The following GRIP2 variants were observed in gnomAD, a reference collection of about 807,000 sequenced individuals.
The protein encoded by GRIP2 is glutamate receptor-interacting protein 2.
Under a neutral mutation model 108.3 loss-of-function variants are expected in GRIP2, and 58 were observed. The observed-to-expected ratio is 0.54, with a 90% CI of 0.43 to 0.67. The LOEUF (loss-of-function observed/expected upper bound fraction) is 0.67, where lower values mean the gene tolerates loss of function less well. Among genes scored for constraint, GRIP2 ranks in the 30% least tolerant of loss-of-function variants. The probability of loss-of-function intolerance (pLI) is 0.00; values close to 1 mark genes in which losing one functional copy is unlikely to be tolerated. For missense variants in GRIP2, 1,278 were observed against 1,430.6 expected (o/e 0.89, Z 1.72); for synonymous variants, 586 against 598.2 (o/e 0.98, Z 0.30).
At position 14,506,885 on chromosome 3, in the gene GRIP2, G is replaced by C; in HGVS notation, c.2314C>G (p.Arg772Gly). 1 of 1,606,706 alleles carries C rather than the reference G, an allele frequency of 6.2e-7. No homozygotes were observed. The highest frequency in any genetic ancestry group is 8.5e-7 in the Non-Finnish European group (1 of 1,176,712). The stretch of plus-strand genomic sequence containing the variant: ...ACACTGGGCACAGCCGGCGAGAAGC[G>C]GGCTGCTGGCAGGCCTCCTTTCAGG... ...DALKGGLPAA[R>G]FSPAVPSVDS... is the part of the protein sequence containing the mutation. Residue 772 changes from arginine to glycine, a missense_variant, in exon 19 of 24, where the codon CGC (arginine) becomes GGC (glycine). Coordinates refer to ENST00000621039, the MANE Select transcript of GRIP2 (RefSeq NM_001080423.4).
At chr3:14,538,469 T>C (rs1217434184) in intron 1 of GRIP2, among the ~76,000 whole-genome samples, 1 of 152,162 alleles carries the variant, frequency 6.6e-6, no homozygotes, top group East Asian at 1.9e-4. Context: ...AGAGTCTGCC[T>C]GGAAATGAAG....
chr3:14,505,906 C>CGAG lies in GRIP2; in HGVS notation c.2399-118_2399-117insCTC. On this transcript the variant is annotated intron_variant, in intron 19 of 23. Transcript: ENST00000621039. This position sits in a 1 kb window ranked among gnomAD's most constrained non-coding sequence, Gnocchi z 4.2. ...AGGTCGTTGCTCCTCTCTGGGCCTG[C>CGAG]ATCTACACAGCCCTCTGAGGGCCTC... 3.4e-6 allele frequency: 3 copies of CGAG among 880,952 alleles called. No individual in the cohort carries two copies. The highest frequency in any genetic ancestry group is 4.9e-6 in the Non-Finnish European group (3 of 614,578). The allele number at this position is 880,952 out of a possible 1,614,324, so 54.6% of individuals were successfully genotyped here.
chr3:14,546,722 G>A (rs1161992011), upstream of GRIP2, among the ~76,000 whole-genome samples: 2 of 152,194 alleles, frequency 1.3e-5, no homozygotes, highest in Admixed American at 1.3e-4. Flanking sequence ...CCAACTAACT[G>A]TCACCAGAGA....
At chr3:14,537,736 CGGA>C (rs1385308731) in intron 1 of GRIP2, among the ~76,000 whole-genome samples, 3 of 152,292 alleles carry the variant, frequency 2.0e-5, no homozygotes, top group Non-Finnish European at 4.4e-5. Flanking sequence ...GAGGGCCCCT[CGGA>C]GGAGTGGGTA....
At chr3:14,523,159 C>T (rs961754249) in intron 5 of GRIP2, 84 bp from the exon 6 acceptor site, 4 of 1,022,974 alleles carry the variant, frequency 3.9e-6, no homozygotes, top group Non-Finnish European at 4.4e-6. Context: ...GAGCAGGCTC[C>T]TTCAATAAAA....
intron 1 of GRIP2, among the ~76,000 whole-genome samples, chr3:14,536,063 C>A (rs560167775): frequency 1.3e-5 from 2 of 152,288 alleles, no homozygotes; most frequent in African/African-American, 4.8e-5. Context: ...ATAAGCTCGG[C>A]AGAAGCACGT....
In GRIP2 at chr3:14,505,675, G is replaced by A; in HGVS notation, c.2513C>T (p.Thr838Ile). The A allele has an allele frequency of 6.2e-7, 1 of 1,607,418 alleles. No individual in the cohort carries two copies. Among genetic ancestry groups the A allele is most frequent in the Admixed American group, 1.7e-5 (1 of 59,114 alleles). The change falls in exon 20 of 24, where the codon ACC becomes ATC. Residue 838 changes from threonine to isoleucine, a missense_variant. Transcript: ENST00000621039. The surrounding 1 kb of genome is among the most constrained non-coding windows in gnomAD (Gnocchi z 4.2). ...TEPRRTSYTP[T>I]PADESFPEEE... ...CTCTGGAAAGCTCTCGTCAGCTGGG[G>A]TTGGGGTATAGCTCGTCCTCCGGGG...
chr3:14,599,685 C>CTCTGTG, the GRIP2 span, among the ~76,000 whole-genome samples: 31 of 127,566 alleles, frequency 2.4e-4, no homozygotes, highest in African/African-American at 7.8e-4. Flanking sequence ...CTCTCTCTCT[C>CTCTGTG]TGTGTGTGTG....
In GRIP2 at chr3:14,512,453, G is replaced by C. The variant is rs942999120; in HGVS notation, c.1720+324C>G. Among the ~76,000 whole-genome samples the C allele has an allele frequency of 2.0e-5, 3 of 152,128 alleles. No homozygotes were observed. Among genetic ancestry groups the C allele is most frequent in the African/African-American group, 7.2e-5 (3 of 41,392 alleles). On this transcript the variant is annotated intron_variant, in intron 14 of 23. Transcript: ENST00000621039. The surrounding 1 kb of genome is among the most constrained non-coding windows in gnomAD (Gnocchi z 5.1). ...TTTGCTGGGCTCTGAGAACACAGAA[G>C]CAGGCAGAAAACCAAACCCAGCCTA...
upstream of GRIP2, among the ~76,000 whole-genome samples, chr3:14,558,366 T>C (rs964217509): frequency 1.3e-5 from 2 of 152,146 alleles, no homozygotes; most frequent in Admixed American, 6.5e-5. Flanking sequence ...GAGGGCAGGC[T>C]GCGTTGCCTG....
At chr3:14,544,601 G>C (rs192013760), upstream of GRIP2, among the ~76,000 whole-genome samples, 3 of 152,142 alleles carry the variant, frequency 2.0e-5, no homozygotes, top group South Asian at 6.2e-4. Context: ...TGGGTGAGAG[G>C]GAGGCAGCAA....
At chr3:14,560,152 G>A (rs192469999), upstream of GRIP2, among the ~76,000 whole-genome samples, 7 of 152,166 alleles carry the variant, frequency 4.6e-5, no homozygotes, top group East Asian at 1.4e-3. Context: ...TACTCACGAG[G>A]CTGAGGCAGG....
Position 14,492,000 on chromosome 3 carries a change from G to C in GRIP2, c.*1665C>G, listed in dbSNP as rs972633413. 2.6e-5 allele frequency: 4 copies of C among 152,470 alleles called. No homozygotes were observed. Among genetic ancestry groups the C allele is most frequent in the Non-Finnish European group, 1.5e-5 (1 of 68,202 alleles). The allele number at this position is 152,470 out of a possible 1,614,324, so 9.4% of individuals were successfully genotyped here. ...GGAGGGCACCAAGGGGCAGAGCCCA[G>C]CGAAGTGGAGGGGAGGGGTAAGGGA... On this transcript the variant is annotated 3_prime_UTR_variant, in exon 24 of 24. Transcript: ENST00000621039.
chr3:14,510,326 G>A (rs559028141), intron 16 of GRIP2, among the ~76,000 whole-genome samples: 1 of 142,622 alleles, frequency 7.0e-6, no homozygotes, highest in East Asian at 2.1e-4. Flanking sequence ...GCAATGGCAC[G>A]ATCTCAGTTC....
chr3:14,520,177 T>C lies in GRIP2; in HGVS notation c.963A>G (p.Ser321=). Residue 321 remains serine (S), a synonymous_variant, in exon 9 of 24, where the codon TCA becomes TCG. Transcript: ENST00000621039. ...GCAGGATCTCCAGCCGCACCTTCTC[T>C]GAAATGCTGGCCAGGAGCTTGGTGG... The part of the protein sequence containing the change: ...LEATKLLASI[S]EKVRLEILPV... The C allele has an allele frequency of 6.2e-7, 1 of 1,612,834 alleles. No individual in the cohort carries two copies. The highest frequency in any genetic ancestry group is 8.5e-7 in the Non-Finnish European group (1 of 1,179,608).
At chr3:14,602,602 G>T in the GRIP2 span, among the ~76,000 whole-genome samples, 1 of 151,468 alleles carries the variant, frequency 6.6e-6, no homozygotes, top group South Asian at 2.1e-4. The surrounding 1 kb of genome is among the most constrained non-coding windows in gnomAD (Gnocchi z 4.7). Context: ...CGGGCCGGTG[G>T]ATGCCCCCTC....
intron 10 of GRIP2, 103 bp downstream of exon 10, chr3:14,517,669 C>A (rs1694291943): frequency 6.9e-7 from 1 of 1,453,208 alleles, no homozygotes; most frequent in Non-Finnish European, 9.4e-7. Flanking sequence ...ACCCAGCTCA[C>A]TAATCTCTGA....
At chr3:14,590,815 G>A in the GRIP2 span, among the ~76,000 whole-genome samples, 1 of 152,224 alleles carries the variant, frequency 6.6e-6, no homozygotes, top group Admixed American at 6.5e-5. Context: ...GTACCACAAT[G>A]TGCCCCCAGG....
chr3:14,497,156 G>C (rs992140091), intron 21 of GRIP2, among the ~76,000 whole-genome samples: 1 of 151,838 alleles, frequency 6.6e-6, no homozygotes, highest in African/African-American at 2.4e-5. Flanking sequence ...TAGTACAGAC[G>C]AGGTTTCTCC....
Sources: allele counts gnomAD v4.1 joint callset (sites outside exome capture counted in the v4.1 genomes callset), GRCh38; gene constraint gnomAD v4.1.1; non-coding constraint Gnocchi (gnomAD v3.1); transcripts MANE v1.5; gene names NCBI Gene and HGNC (gene_info 2026-07-23, HGNC 2026-07-21).